LOXHD1: variants seen among roughly 807,000 people sequenced by gnomAD.
The protein encoded by LOXHD1 is lipoxygenase homology PLAT domains 1, also known as lipoxygenase homology domain-containing protein 1.
In LOXHD1, 205 loss-of-function variants were observed where a neutral mutation model predicts 248.2. The ratio of observed to expected loss-of-function variants is 0.83; its 90% CI spans 0.74 to 0.93. LOXHD1 has a LOEUF of 0.93. Among genes scored for constraint, LOXHD1 ranks in the 40% least tolerant of loss-of-function variants. The pLI is 0.00. For synonymous variants in LOXHD1, 1,113 were observed against 1,162.8 expected (o/e 0.96, Z 0.87); for missense variants, 2,930 against 2,971.6 (o/e 0.99, Z 0.33).
At chr18:46,567,274 G>C (rs1033740273) in intron 16 of LOXHD1, among the ~76,000 whole-genome samples, 88 of 152,368 alleles carry the variant, frequency 5.8e-4, no homozygotes, top group African/African-American at 2.0e-3. Context: ...GGTTTGAAGA[G>C]GTGATGTTAG....
intron 16 of LOXHD1, among the ~76,000 whole-genome samples, chr18:46,567,324 T>TC (rs764960279): frequency 2.6e-5 from 4 of 152,252 alleles, no homozygotes; most frequent in African/African-American, 7.2e-5. Context: ...TAGAAAACTG[T>TC]CCATGCGAGC....
intron 10 of LOXHD1, 115 bp downstream of exon 10, chr18:46,593,485 C>A (rs1030220890): frequency 2.5e-5 from 30 of 1,178,104 alleles, no homozygotes; most frequent in Non-Finnish European, 3.3e-5. Context: ...CTCCATCGTA[C>A]ATTTTTGTCT....
intron 10 of LOXHD1, among the ~76,000 whole-genome samples, chr18:46,592,905 C>T (rs1297366940): frequency 6.6e-6 from 1 of 152,198 alleles, no homozygotes; most frequent in Non-Finnish European, 1.5e-5. Context: ...ATCTATAGGG[C>T]AGCCCTGCAA....
chr18:46,538,151 A>G lies in LOXHD1; in HGVS notation c.4095+5T>C, dbSNP rs760600924. On this transcript the variant is annotated splice_donor_5th_base_variant and intron_variant, in intron 26 of 40. Transcript: ENST00000642948. ...ATCCCTGGACAGCCTGCTGAGCCCA[A>G]GTACCTCTACGATGAAGCGGGAGGC... is the stretch of plus-strand genomic sequence containing the variant. The G allele has an allele frequency of 2.0e-5, 31 of 1,528,596 alleles. No homozygotes were observed. Among genetic ancestry groups the G allele is most frequent in the Non-Finnish European group, 2.7e-5 (30 of 1,128,412 alleles). The allele number at this position is 1,528,596 out of a possible 1,614,324, so 94.7% of individuals were successfully genotyped here.
At chr18:46,640,010 T>C (rs967534914) in intron 3 of LOXHD1, among the ~76,000 whole-genome samples, 5 of 152,206 alleles carry the variant, frequency 3.3e-5, no homozygotes, top group Admixed American at 1.3e-4. Context: ...CACTGTTATA[T>C]TGCATGCAAG....
intron 37 of LOXHD1, among the ~76,000 whole-genome samples, chr18:46,499,325 A>C (rs1170532824): frequency 2.0e-5 from 3 of 152,184 alleles, no homozygotes; most frequent in African/African-American, 7.2e-5. Flanking sequence ...TTAGCAGGGG[A>C]AGGGAATGGC....
chr18:46,507,751 C>T, intron 35 of LOXHD1, 39 bp from the exon 36 acceptor site: 2 of 1,527,798 alleles, frequency 1.3e-6, no homozygotes, highest in African/African-American at 1.4e-5. Flanking sequence ...GCCCTGTCCT[C>T]CCTCACCTCC....
chr18:46,487,878 T>C (rs2033177376), intron 38 of LOXHD1, among the ~76,000 whole-genome samples: 1 of 152,148 alleles, frequency 6.6e-6, no homozygotes, highest in Non-Finnish European at 1.5e-5. Flanking sequence ...TGGGAGCCAA[T>C]ATATTCCCTT....
At chr18:46,511,525 G>C (rs1298379215) in intron 34 of LOXHD1, among the ~76,000 whole-genome samples, 1 of 152,222 alleles carries the variant, frequency 6.6e-6, no homozygotes, top group Non-Finnish European at 1.5e-5. Flanking sequence ...TGCTATGAAA[G>C]GCTGTCCTTA....
intron 20 of LOXHD1, 147 bp from the exon 21 acceptor site, chr18:46,557,636 C>T: frequency 1.0e-6 from 1 of 1,002,616 alleles, no homozygotes; most frequent in South Asian, 1.6e-5. Context: ...TGGAGAATGT[C>T]ACTTAGTAGT....
chr18:46,559,958 T>C (rs1273616222), intron 19 of LOXHD1, 125 bp downstream of exon 19: 1 of 1,006,204 alleles, frequency 9.9e-7, no homozygotes, highest in Non-Finnish European at 1.5e-6. Flanking sequence ...TTGGGAACCA[T>C]GATGGGTGCC....
intron 25 of LOXHD1, among the ~76,000 whole-genome samples, chr18:46,540,119 T>C (rs1232690820): frequency 6.6e-6 from 1 of 152,248 alleles, no homozygotes; most frequent in African/African-American, 2.4e-5. Context: ...GTAGGTATTA[T>C]TACACTCCAT....
At chr18:46,646,614 T>A (rs2039033841) in intron 2 of LOXHD1, among the ~76,000 whole-genome samples, 1 of 151,918 alleles carries the variant, frequency 6.6e-6, no homozygotes, top group African/African-American at 2.4e-5. Flanking sequence ...ACTTTCCCCC[T>A]CCCTGCCCAT....
Position 46,604,131 on chromosome 18 carries a change from G to A in LOXHD1, c.858C>T (p.Ile286=). The A allele has an allele frequency of 6.4e-7, 1 of 1,551,736 alleles. No homozygotes were observed. Among genetic ancestry groups the A allele is most frequent in the Non-Finnish European group, 8.7e-7 (1 of 1,146,996 alleles). The change falls in exon 7 of 41, where the codon ATC becomes ATT. Residue 286 remains isoleucine, a synonymous_variant. Coordinates refer to ENST00000642948, the MANE Select transcript of LOXHD1 (RefSeq NM_001384474.1). The part of the protein sequence containing the change: ...DEDDGKIQRD[I]LVGGAETTAI... ...CTGTGGTCTCAGCTCCGCCCACTAA[G>A]ATATCCCTTTGGATTTTGCCATCGT... is the stretch of plus-strand genomic sequence containing the variant.
At chr18:46,545,022 T>C in intron 23 of LOXHD1, 1 of 475,702 alleles carries the variant, frequency 2.1e-6, no homozygotes. Context: ...GAGTGCCTCA[T>C]ACTGAGAGTA....
At chr18:46,531,677 C>T (rs1023157254) in intron 28 of LOXHD1, among the ~76,000 whole-genome samples, 1 of 152,190 alleles carries the variant, frequency 6.6e-6, no homozygotes, top group African/African-American at 2.4e-5. Flanking sequence ...ATTTCTGGAT[C>T]CTCCTCCCTC....
At chr18:46,483,499 A>C in intron 40 of LOXHD1, 88 bp downstream of exon 40, 1 of 1,490,002 alleles carries the variant, frequency 6.7e-7, no homozygotes, top group East Asian at 2.5e-5. Context: ...AGACCTCATC[A>C]TACCCTGCTC....
intron 8 of LOXHD1, among the ~76,000 whole-genome samples, chr18:46,596,825 A>T (rs985474192): frequency 9.2e-5 from 14 of 152,240 alleles, no homozygotes; most frequent in African/African-American, 3.4e-4. Context: ...TGGGGAGGAA[A>T]ACTCAATATA....
chr18:46,537,576 T>A (rs975293155), intron 26 of LOXHD1, among the ~76,000 whole-genome samples: 1 of 152,202 alleles, frequency 6.6e-6, no homozygotes, highest in Non-Finnish European at 1.5e-5. Context: ...GCAGGCACAG[T>A]GTGCATGCAC....
Sources: allele counts gnomAD v4.1 joint callset (sites outside exome capture counted in the v4.1 genomes callset), GRCh38; gene constraint gnomAD v4.1.1; transcripts MANE v1.5; gene names NCBI Gene and HGNC (gene_info 2026-07-23, HGNC 2026-07-21).